Variants in GPC6 observed in about 807,000 individuals in gnomAD.
GPC6 encodes glypican 6.
In GPC6, 14 loss-of-function variants were observed where a neutral mutation model predicts 55.2. The observed-to-expected ratio is 0.25, with a 90% CI of 0.17 to 0.40. GPC6 has a LOEUF of 0.40. Ranked by LOEUF, GPC6 falls within the 10% of genes least tolerant of loss-of-function variation. The pLI is 1.00. For synonymous variants in GPC6, 278 were observed against 259.6 expected (o/e 1.07, Z -0.68); for missense variants, 641 against 708.5 (o/e 0.90, Z 1.08).
At chr13:93,246,298 C>T (rs574917228) in intron 1 of GPC6, among the ~76,000 whole-genome samples, 2 of 152,256 alleles carry the variant, frequency 1.3e-5, no homozygotes, top group South Asian at 4.1e-4. Flanking sequence ...ATGTTTGCTC[C>T]TTACATCATA....
In GPC6 at chr13:93,473,189, C is replaced by G. The variant is rs140561584; in HGVS notation, c.161-72074C>G. 1.4e-4 allele frequency among the ~76,000 whole-genome samples: 21 copies of G among 152,314 alleles called. No individual in the cohort carries two copies. The East Asian group carries it at 4.1e-3, about 29-fold the overall frequency. On this transcript the variant is annotated intron_variant, in intron 1 of 8. Coordinates refer to ENST00000377047, the MANE Select transcript of GPC6 (RefSeq NM_005708.5). ...TCACCAGGGACCTGCCCCCTTTTGT[C>G]CAGGAGCCTGTCTGCCTCCTGCTGC...
At chr13:94,313,910 T>TTCTG (rs1876386318) in intron 6 of GPC6, among the ~76,000 whole-genome samples, 1 of 152,236 alleles carries the variant, frequency 6.6e-6, no homozygotes, top group African/African-American at 2.4e-5. Flanking sequence ...TATGCTTATT[T>TTCTG]TCTGCTTCAG....
rs544920234 is a variant in GPC6, at chr13:93,308,263, T to C, written c.160+80647T>C. Among the ~76,000 whole-genome samples, 14 of 152,114 alleles carry C rather than the reference T, an allele frequency of 9.2e-5. No homozygotes were observed. The South Asian group carries it at 2.3e-3, about 25-fold the overall frequency. ...TTGCGCTACTGCACTCCAGCCTGGG[T>C]GACAGAGTGAGACTCCATCTCAGAA... On this transcript the variant is annotated intron_variant, in intron 1 of 8. Coordinates refer to ENST00000377047, the MANE Select transcript of GPC6 (RefSeq NM_005708.5).
intron 2 of GPC6, among the ~76,000 whole-genome samples, chr13:93,561,812 T>C (rs1875829952): frequency 6.6e-6 from 1 of 152,180 alleles, no homozygotes; most frequent in African/African-American, 2.4e-5. Flanking sequence ...GGCTCCTGCC[T>C]GAGCAGACAT....
intron 4 of GPC6, among the ~76,000 whole-genome samples, chr13:94,282,998 C>T (rs1892428800): frequency 1.3e-5 from 2 of 152,186 alleles, no homozygotes; most frequent in Non-Finnish European, 2.9e-5. Flanking sequence ...AGCTTTGTAT[C>T]TCTCACTAAT....
intron 2 of GPC6, among the ~76,000 whole-genome samples, chr13:93,692,290 A>T (rs572888104): frequency 6.6e-6 from 1 of 152,228 alleles, no homozygotes; most frequent in East Asian, 1.9e-4. Context: ...AAGAAATTTC[A>T]TGTTCAGTCA....
chr13:94,258,568 C>T (rs1034857672), intron 4 of GPC6, among the ~76,000 whole-genome samples: 1 of 152,206 alleles, frequency 6.6e-6, no homozygotes, highest in Non-Finnish European at 1.5e-5. Flanking sequence ...TCAGCATACT[C>T]TTCTTGCCTC....
At chr13:93,890,665 A>T (rs1199130763) in intron 3 of GPC6, among the ~76,000 whole-genome samples, 2 of 151,810 alleles carry the variant, frequency 1.3e-5, no homozygotes, top group Admixed American at 1.3e-4. Context: ...CTGCTTGAAT[A>T]GCAAGCATAT....
chr13:93,440,466 C>G (rs1316575314), intron 1 of GPC6, among the ~76,000 whole-genome samples: 2 of 152,098 alleles, frequency 1.3e-5, no homozygotes, highest in Non-Finnish European at 2.9e-5. Context: ...GAACCAAGTG[C>G]AATACAAGTT....
At chr13:93,326,268 A>G (rs987114807) in intron 1 of GPC6, among the ~76,000 whole-genome samples, 8 of 152,158 alleles carry the variant, frequency 5.3e-5, no homozygotes, top group African/African-American at 1.9e-4. Flanking sequence ...GCATTGGACT[A>G]TCTGGGCAAT....
chr13:93,334,695 G>A (rs1387400045), intron 1 of GPC6, among the ~76,000 whole-genome samples: 1 of 152,156 alleles, frequency 6.6e-6, no homozygotes, highest in Non-Finnish European at 1.5e-5. Flanking sequence ...TCGAACCCCT[G>A]ACCTCAGGTG....
At chr13:94,237,266 G>GT (rs1490425103) in intron 4 of GPC6, among the ~76,000 whole-genome samples, 1 of 152,066 alleles carries the variant, frequency 6.6e-6, no homozygotes, top group African/African-American at 2.4e-5. Flanking sequence ...TCAAGTGCCT[G>GT]TTTTTTCTTC....
intron 1 of GPC6, among the ~76,000 whole-genome samples, chr13:93,343,017 G>T (rs1227294885): frequency 6.6e-6 from 1 of 152,012 alleles, no homozygotes; most frequent in Non-Finnish European, 1.5e-5. Context: ...ATACACACTG[G>T]ATATTTTTTC....
At chr13:94,174,728 A>G (rs1655219763) in intron 4 of GPC6, among the ~76,000 whole-genome samples, 1 of 152,192 alleles carries the variant, frequency 6.6e-6, no homozygotes, top group Admixed American at 6.5e-5. Flanking sequence ...ATTTACAGTT[A>G]TGAAAACTGA....
intron 1 of GPC6, among the ~76,000 whole-genome samples, chr13:93,506,424 C>G (rs1004510302): frequency 2.0e-5 from 3 of 152,020 alleles, no homozygotes; most frequent in Non-Finnish European, 4.4e-5. Context: ...GGATATTACT[C>G]AAATGATCAT....
At chr13:93,698,485 C>CT (rs57058820) in intron 2 of GPC6, among the ~76,000 whole-genome samples, 1,387 of 32,446 alleles carry the variant, frequency 0.043, 171 homozygotes, top group East Asian at 0.25. Context: ...CTGTGTGGGT[C>CT]TTTTTTTTTT....
chr13:93,306,260 T>G (rs555410979), intron 1 of GPC6, among the ~76,000 whole-genome samples: 1 of 152,282 alleles, frequency 6.6e-6, no homozygotes, highest in Admixed American at 6.5e-5. Context: ...AGCATGTGAT[T>G]AAAGCTAATG....
Position 93,314,752 on chromosome 13 carries a change from T to TGCGCGC in GPC6, c.160+87137_160+87138insCGCGCG, listed in dbSNP as rs1381268186. On this transcript the variant is annotated intron_variant, in intron 1 of 8. Coordinates refer to ENST00000377047, the MANE Select transcript of GPC6 (RefSeq NM_005708.5). ...GTGTGTGTGTGTGTGTGTGTGTGTGTGTGTGCACGCATGTGCTGAGAAATG... is the reference window on the plus strand; with the variant it reads ...GTGTGTGTGTGTGTGTGTGTGTGTGTGCGCGCGTGTGCACGCATGTGCTGAGAAATG... 9.0e-4 allele frequency among the ~76,000 whole-genome samples: 133 copies of TGCGCGC among 148,490 alleles called. 1 individual carries two copies. The highest frequency in any genetic ancestry group is 3.1e-3 in the African/African-American group (122 of 39,034).
At chr13:94,023,599 TG>T (rs1326977037) in intron 3 of GPC6, among the ~76,000 whole-genome samples, 8 of 152,020 alleles carry the variant, frequency 5.3e-5, no homozygotes, top group Non-Finnish European at 1.0e-4. Flanking sequence ...CTTACCACCA[TG>T]TGATCCAGCA....
Sources: allele counts gnomAD v4.1 joint callset (sites outside exome capture counted in the v4.1 genomes callset), GRCh38; gene constraint gnomAD v4.1.1; transcripts MANE v1.5; gene names NCBI Gene and HGNC (gene_info 2026-07-23, HGNC 2026-07-21).